SLC12A7: variants seen among roughly 807,000 people sequenced by gnomAD.
The protein encoded by SLC12A7 is solute carrier family 12 member 7, also known as K-Cl cotransporter 4.
SLC12A7 carries 100 observed loss-of-function variants against 120.6 expected under a neutral mutation model. The ratio of observed to expected loss-of-function variants is 0.83; its 90% CI spans 0.71 to 0.98. The LOEUF (loss-of-function observed/expected upper bound fraction) is 0.98, where lower values mean the gene tolerates loss of function less well. SLC12A7 is among the 50% of genes least tolerant of loss of function. The pLI is 0.00. For missense variants in SLC12A7, 1,373 were observed against 1,548.1 expected (o/e 0.89, Z 1.90); for synonymous variants, 760 against 678.0 (o/e 1.12, Z -1.88).
At chr5:1,059,608 T>A (rs1579315677) in intron 21 of SLC12A7, among the ~76,000 whole-genome samples, 1 of 152,210 alleles carries the variant, frequency 6.6e-6, no homozygotes, top group Non-Finnish European at 1.5e-5. Flanking sequence ...ACACCTGCCC[T>A]TGGGGTCTCA....
At chr5:1,096,342 G>A (rs376815777) in intron 1 of SLC12A7, among the ~76,000 whole-genome samples, 2 of 152,208 alleles carry the variant, frequency 1.3e-5, no homozygotes, top group African/African-American at 4.8e-5. Context: ...GGGCAGATGG[G>A]CGTTCTCCAC....
At chr5:1,080,152 C>T (rs995717536) in intron 9 of SLC12A7, among the ~76,000 whole-genome samples, 25 of 151,832 alleles carry the variant, frequency 1.6e-4, no homozygotes, top group South Asian at 4.2e-4. Context: ...AGAGGCTCTG[C>T]CCCCACGCCC....
At chr5:1,142,902 A>T in the SLC12A7 span, among the ~76,000 whole-genome samples, 3 of 152,028 alleles carry the variant, frequency 2.0e-5, no homozygotes, top group African/African-American at 7.2e-5. Context: ...AGGTCAGCAG[A>T]AGAGGAAATG....
chr5:1,118,422 A>G, the SLC12A7 span, among the ~76,000 whole-genome samples: 59 of 152,390 alleles, frequency 3.9e-4, no homozygotes, highest in African/African-American at 1.2e-3. Flanking sequence ...ATCTGAGAAC[A>G]TCGTGGGCAG....
intron 15 of SLC12A7, among the ~76,000 whole-genome samples, chr5:1,075,021 A>C (rs1252142120): frequency 2.0e-5 from 3 of 152,064 alleles, no homozygotes; most frequent in Admixed American, 2.0e-4. Flanking sequence ...GGGCACGGGG[A>C]AGGACGCCTG....
chr5:1,109,616 G>C (rs1742839743), intron 1 of SLC12A7, among the ~76,000 whole-genome samples: 1 of 152,254 alleles, frequency 6.6e-6, no homozygotes, highest in African/African-American at 2.4e-5. Context: ...ACGCGGCCTT[G>C]CTGGGCTCTG....
chr5:1,092,736 T>C (rs1339232828), intron 3 of SLC12A7, among the ~76,000 whole-genome samples: 1 of 152,106 alleles, frequency 6.6e-6, no homozygotes, highest in Non-Finnish European at 1.5e-5. Flanking sequence ...TTATTTTTTT[T>C]TGTTTTTTGT....
chr5:1,101,026 C>T (rs972604647), intron 1 of SLC12A7, among the ~76,000 whole-genome samples: 2 of 152,156 alleles, frequency 1.3e-5, no homozygotes, highest in Non-Finnish European at 2.9e-5. Flanking sequence ...CAGCTGTGTG[C>T]GCTGCCCTCC....
At chr5:1,126,234 T>G in the SLC12A7 span, among the ~76,000 whole-genome samples, 1 of 152,060 alleles carries the variant, frequency 6.6e-6, no homozygotes, top group Non-Finnish European at 1.5e-5. Context: ...ATTACAGGCA[T>G]GGGCCACCAT....
intron 3 of SLC12A7, among the ~76,000 whole-genome samples, chr5:1,091,923 A>G (rs1579407495): frequency 7.3e-6 from 1 of 136,896 alleles, no homozygotes; most frequent in Non-Finnish European, 1.6e-5. Context: ...AGCTACAGAC[A>G]GGGGGGGCGG....
the SLC12A7 span, among the ~76,000 whole-genome samples, chr5:1,137,638 T>C: frequency 1.3e-5 from 2 of 152,242 alleles, no homozygotes; most frequent in African/African-American, 2.4e-5. Flanking sequence ...CATCCTGGAC[T>C]TGGCAAACAG....
intron 22 of SLC12A7, among the ~76,000 whole-genome samples, chr5:1,055,824 G>C (rs1451125822): frequency 6.6e-6 from 1 of 152,258 alleles, no homozygotes; most frequent in African/African-American, 2.4e-5. Context: ...GGAGCAGGAA[G>C]TACAGGGATT....
chr5:1,073,557 G>C, intron 17 of SLC12A7, 76 bp downstream of exon 17: 1 of 1,472,160 alleles, frequency 6.8e-7, no homozygotes, highest in Non-Finnish European at 9.2e-7. Flanking sequence ...ACGCTGCGAT[G>C]AGGACATGCC....
chr5:1,142,475 TCCCCCTCCCCTTTCCCCTCCCCA>T, the SLC12A7 span, among the ~76,000 whole-genome samples: 1 of 5,018 alleles, frequency 2.0e-4, no homozygotes, highest in African/African-American at 1.1e-3. Flanking sequence ...CCCCCTCCCC[TCCCCCTCCCCTTTCCCCTCCCCA>T]CTCCCCTCTC....
At chr5:1,140,551 C>A in the SLC12A7 span, among the ~76,000 whole-genome samples, 1 of 152,196 alleles carries the variant, frequency 6.6e-6, no homozygotes, top group Non-Finnish European at 1.5e-5. Flanking sequence ...TGGAGGGAGG[C>A]GTCATTCTGT....
chr5:1,128,551 C>T, the SLC12A7 span, among the ~76,000 whole-genome samples: 2 of 152,194 alleles, frequency 1.3e-5, no homozygotes, highest in Non-Finnish European at 2.9e-5. Context: ...AAAAGTGCTG[C>T]CCAGCCCCCA....
Position 1,052,141 on chromosome 5 carries a change from T to G in SLC12A7, c.*219A>C. 1 of 577,878 alleles carries G rather than the reference T, an allele frequency of 1.7e-6. No individual in the cohort carries two copies. The highest frequency in any genetic ancestry group is 3.1e-6 in the Non-Finnish European group (1 of 323,748). 35.8% of individuals were successfully genotyped at this position (577,878 alleles called of 1,614,324 possible). A position where few individuals can be genotyped will look rare whatever the true frequency, so the allele number is the denominator to read the frequency against. ...GCGTCTGCCCTCAGATGCAAGGAAA[T>G]CGTCCAGCCACGCCCTGATTTGCTG... On this transcript the variant is annotated 3_prime_UTR_variant, in exon 24 of 24. Coordinates refer to ENST00000264930, the MANE Select transcript of SLC12A7 (RefSeq NM_006598.3).
At chr5:1,109,648 C>A (rs1057246193) in intron 1 of SLC12A7, among the ~76,000 whole-genome samples, 2 of 151,180 alleles carry the variant, frequency 1.3e-5, no homozygotes, top group African/African-American at 4.9e-5. Context: ...GCAGCCCGGG[C>A]AGCAGCATCT....
chr5:1,140,396 C>G, the SLC12A7 span, among the ~76,000 whole-genome samples: 2 of 152,234 alleles, frequency 1.3e-5, no homozygotes, highest in African/African-American at 4.8e-5. Context: ...CTGTTCCCCC[C>G]CACCGGGTCT....
Sources: gnomAD v4.1 joint callset for allele counts (sites outside exome capture counted in the v4.1 genomes callset) on GRCh38, gnomAD v4.1.1 for gene constraint, MANE v1.5 for transcripts, NCBI Gene and HGNC (gene_info 2026-07-23, HGNC 2026-07-21) for gene names.